UGT1A7: variants seen among roughly 807,000 people sequenced by gnomAD.
UGT1A7 encodes the protein UDP glucuronosyltransferase family 1 member A7.
A neutral mutation model predicts 45.6 loss-of-function variants in UGT1A7; 33 were observed. That is an observed-to-expected ratio of 0.72 (90% CI 0.55 to 0.97). The LOEUF is 0.97. Ranked by LOEUF, UGT1A7 falls within the 50% of genes least tolerant of loss-of-function variation. The probability of loss-of-function intolerance (pLI) is 0.00; values close to 1 mark genes in which losing one functional copy is unlikely to be tolerated. For synonymous variants in UGT1A7, 274 were observed against 250.6 expected (o/e 1.09, Z -0.88); for missense variants, 684 against 666.2 (o/e 1.03, Z -0.29).
At chr2:233,695,130 CTTTT>C (rs71398796) in intron 1 of UGT1A7, among the ~76,000 whole-genome samples, 1 of 138,840 alleles carries the variant, frequency 7.2e-6, no homozygotes, top group Non-Finnish European at 1.5e-5. Flanking sequence ...CTTTTCTTTT[CTTTT>C]TTTTTTTTTT....
At chr2:233,743,086 T>C (rs926867030) in intron 1 of UGT1A7, 1 of 346,580 alleles carries the variant, frequency 2.9e-6, no homozygotes, top group African/African-American at 2.2e-5. Context: ...GAAGTGTTTA[T>C]AAATTCTTGG....
At chr2:233,734,641 G>A (rs777455810) in intron 1 of UGT1A7, among the ~76,000 whole-genome samples, 2 of 152,096 alleles carry the variant, frequency 1.3e-5, no homozygotes, top group Non-Finnish European at 2.9e-5. Flanking sequence ...GCTTTCTCCT[G>A]TGGGGATTTA....
chr2:233,766,951 A>C (rs1699289551), intron 1 of UGT1A7, 83 bp from the exon 2 acceptor site: 10 of 1,601,242 alleles, frequency 6.2e-6, no homozygotes, highest in Non-Finnish European at 8.5e-6. Context: ...CTTAAGAGGA[A>C]GATATCTAAT....
chr2:233,693,104 C>G, intron 1 of UGT1A7: 1 of 1,614,166 alleles, frequency 6.2e-7, no homozygotes, highest in African/African-American at 1.3e-5. Flanking sequence ...GGTGGTCCCT[C>G]AGGACGGAAG....
In UGT1A7 at chr2:233,695,130, C is replaced by CTTTCTTTCTTTTT. The variant is rs1364557158; in HGVS notation, c.855+12341_855+12342insCTTTCTTTTTTTT. Among the ~76,000 whole-genome samples the CTTTCTTTCTTTTT allele has an allele frequency of 8.6e-5, 12 of 138,840 alleles. 1 individual carries two copies. Among genetic ancestry groups the CTTTCTTTCTTTTT allele is most frequent in the African/African-American group, 3.3e-4 (12 of 36,796 alleles). The allele number at this position is 138,840 out of a possible 152,430, so 91.1% of individuals were successfully genotyped here. A position where few individuals can be genotyped will look rare whatever the true frequency, so the allele number is the denominator to read the frequency against. On this transcript the variant is annotated intron_variant, in intron 1 of 4. Coordinates refer to ENST00000373426, the MANE Select transcript of UGT1A7 (RefSeq NM_019077.3). ...GCCCATTAACCAACCCTTTTCTTTT[C>CTTTCTTTCTTTTT]TTTTTTTTTTTTTTGAGACAGAGTC...
intron 4 of UGT1A7, 47 bp downstream of exon 4, chr2:233,768,486 T>A: frequency 1.3e-6 from 2 of 1,583,238 alleles, no homozygotes; most frequent in East Asian, 2.3e-5. Context: ...GCATTCATGA[T>A]AAAATTGTTT....
intron 1 of UGT1A7, among the ~76,000 whole-genome samples, chr2:233,702,589 A>G (rs2075695060): frequency 6.6e-6 from 1 of 152,126 alleles, no homozygotes; most frequent in Admixed American, 6.6e-5. Flanking sequence ...TCTTAACTGG[A>G]GATTTTTTGA....
chr2:233,713,192 G>A, intron 1 of UGT1A7: 1 of 1,614,232 alleles, frequency 6.2e-7, no homozygotes. Flanking sequence ...AGGTGAATAT[G>A]TACATCAAAG....
At chr2:233,754,512 G>A (rs1197156567) in intron 1 of UGT1A7, 1 of 361,962 alleles carries the variant, frequency 2.8e-6, no homozygotes. Flanking sequence ...TATTCCTCCA[G>A]ATGTGCTTAA....
intron 1 of UGT1A7, among the ~76,000 whole-genome samples, chr2:233,758,187 G>A (rs1223519403): frequency 6.6e-6 from 1 of 152,214 alleles, no homozygotes; most frequent in African/African-American, 2.4e-5. Context: ...ATATTAATTG[G>A]ATTGCTTAGT....
chr2:233,735,338 T>G (rs1239211349), intron 1 of UGT1A7, among the ~76,000 whole-genome samples: 2 of 151,114 alleles, frequency 1.3e-5, no homozygotes, highest in Non-Finnish European at 3.0e-5. Context: ...CAACCCCTGC[T>G]TTTTTTTTGC....
intron 1 of UGT1A7, among the ~76,000 whole-genome samples, chr2:233,749,118 C>G (rs1694113620): frequency 6.6e-6 from 1 of 151,770 alleles, no homozygotes; most frequent in Non-Finnish European, 1.5e-5. Context: ...CTTTTTATGT[C>G]ATATTCACTG....
At chr2:233,693,672 A>G in intron 1 of UGT1A7, 1 of 1,614,118 alleles carries the variant, frequency 6.2e-7, no homozygotes, top group Non-Finnish European at 8.5e-7. Flanking sequence ...TATCTATTTT[A>G]TTGTCTGTTT....
intron 1 of UGT1A7, among the ~76,000 whole-genome samples, chr2:233,732,331 T>C (rs2078260984): frequency 6.6e-6 from 1 of 152,256 alleles, no homozygotes; most frequent in Admixed American, 6.5e-5. Flanking sequence ...TTTGTTGCCA[T>C]TGCTTTTGGT....
chr2:233,700,007 A>T (rs965414411), intron 1 of UGT1A7, among the ~76,000 whole-genome samples: 5 of 152,204 alleles, frequency 3.3e-5, no homozygotes, highest in Admixed American at 1.3e-4. Context: ...TCAAAATGTC[A>T]CGAGTGCTGA....
intron 1 of UGT1A7, chr2:233,693,564 AC>A: frequency 6.2e-7 from 1 of 1,614,200 alleles, no homozygotes; most frequent in Non-Finnish European, 8.5e-7. Flanking sequence ...AGAAGCCCAG[AC>A]CCTGTGTCCT....
intron 3 of UGT1A7, 107 bp from the exon 4 acceptor site, chr2:233,768,113 G>A (rs1271698331): frequency 1.3e-6 from 2 of 1,597,544 alleles, no homozygotes; most frequent in African/African-American, 2.7e-5. Context: ...TTTCTGCAAG[G>A]GCATGTGAGT....
chr2:233,715,336 GC>G (rs1476016122), intron 1 of UGT1A7, among the ~76,000 whole-genome samples: 1 of 152,010 alleles, frequency 6.6e-6, no homozygotes, highest in Admixed American at 6.6e-5. Flanking sequence ...TTAGATTGGT[GC>G]ATGTAGGTTT....
intron 4 of UGT1A7, chr2:233,771,511 A>G (rs1282263981): frequency 1.3e-5 from 2 of 152,328 alleles, no homozygotes; most frequent in Non-Finnish European, 2.9e-5. Context: ...ACTGAATTAC[A>G]AATATATCAT....
Sources: allele counts gnomAD v4.1 joint callset (sites outside exome capture counted in the v4.1 genomes callset), GRCh38; gene constraint gnomAD v4.1.1; transcripts MANE v1.5; gene names NCBI Gene and HGNC (gene_info 2026-07-23, HGNC 2026-07-21).